APLF: variants seen among roughly 807,000 people sequenced by gnomAD.
APLF encodes aprataxin and PNKP like factor.
Under a neutral mutation model 55.6 loss-of-function variants are expected in APLF, and 61 were observed. The ratio of observed to expected loss-of-function variants is 1.10; its 90% CI spans 0.89 to 1.36. The LOEUF (loss-of-function observed/expected upper bound fraction) is 1.36. Among genes scored for constraint, APLF ranks in the 40% most tolerant of loss-of-function variants. APLF has a pLI of 0.00. For synonymous variants in APLF, 207 were observed against 214.8 expected, an observed-to-expected ratio of 0.96 and a Z score of 0.32; for missense variants, 611 against 602.5, an observed-to-expected ratio of 1.01 and a Z score of -0.15.
At position 68,502,844 on chromosome 2, in the gene APLF, C is replaced by G; in HGVS notation, c.282C>G (p.Asp94Glu). The change falls in exon 3 of 10, where the codon GAC (aspartate) becomes GAG (glutamate). Residue 94 changes from aspartate (D) to glutamate (E), a missense_variant. Asp to Glu is a conservative substitution (Grantham distance 45). Coordinates refer to ENST00000303795, the MANE Select transcript of APLF (RefSeq NM_173545.3). ...GAGACAGCTTTTCTTTGTTAGTTGA[C>G]AAATACATTTTCCGCATTCTCTCTA... ...NPGDSFSLLV[D>E]KYIFRILSIP... 6.2e-7 allele frequency: 1 copy of G among 1,606,404 alleles called. No individual in the cohort carries two copies. The highest frequency in any genetic ancestry group is 1.1e-5 in the South Asian group (1 of 89,698).
Position 68,538,093 on chromosome 2 carries a change from G to T in APLF, c.1026G>T (p.Gly342=). 6.2e-7 allele frequency: 1 copy of T among 1,614,068 alleles called. No homozygotes were observed. Among genetic ancestry groups the T allele is most frequent in the African/African-American group, 1.3e-5 (1 of 75,040 alleles). ...QGDSLQDESQ[G]SHSESSSNPS... ...ACTCACTTCAGGATGAGTCTCAAGG[G>T]TCTCATTCTGAGTCCAGCTCTAATC... Residue 342 remains glycine (G), a synonymous_variant, in exon 7 of 10, where the codon GGG becomes GGT. Transcript: ENST00000303795.
intron 9 of APLF, among the ~76,000 whole-genome samples, chr2:68,575,304 C>T (rs986044559): frequency 3.3e-5 from 5 of 152,070 alleles, no homozygotes. Flanking sequence ...TTGGACTGTT[C>T]TAGGAATAGC....
rs149190055 is a variant in APLF, at chr2:68,489,402, A to G, written c.97-788A>G. Among the ~76,000 whole-genome samples, 75 of 152,340 alleles carry G rather than the reference A, an allele frequency of 4.9e-4. No homozygotes were observed. The Middle Eastern group carries it at 0.01, about 21-fold the overall frequency. ...AGTTGGTGCTTAACATGTTTTCATTATCTATCAATCAACCACAAATAAAAA... is the reference window on the plus strand; with the variant it reads ...AGTTGGTGCTTAACATGTTTTCATTGTCTATCAATCAACCACAAATAAAAA... On this transcript the variant is annotated intron_variant, in intron 1 of 9. Transcript: ENST00000303795.
chr2:68,480,898 G>A (rs1348631958), intron 1 of APLF, among the ~76,000 whole-genome samples: 2 of 152,132 alleles, frequency 1.3e-5, no homozygotes, highest in African/African-American at 4.8e-5. Flanking sequence ...TTCTGTTGAT[G>A]TGATATATCA....
intron 1 of APLF, among the ~76,000 whole-genome samples, chr2:68,483,223 T>C (rs549898176): frequency 1.3e-5 from 2 of 152,106 alleles, no homozygotes; most frequent in African/African-American, 4.8e-5. Context: ...TGTGGAGTAA[T>C]GTAGCTTTGT....
At chr2:68,499,459 T>A (rs1217171559) in intron 2 of APLF, among the ~76,000 whole-genome samples, 1 of 152,164 alleles carries the variant, frequency 6.6e-6, no homozygotes, top group Non-Finnish European at 1.5e-5. Flanking sequence ...TGGGGTCTTG[T>A]TTTGGGAGGG....
At chr2:68,511,496 G>T (rs1677049919) in intron 3 of APLF, among the ~76,000 whole-genome samples, 1 of 151,444 alleles carries the variant, frequency 6.6e-6, no homozygotes, top group African/African-American at 2.4e-5. Flanking sequence ...ATTACATATG[G>T]ACTATAGAGT....
intron 1 of APLF, among the ~76,000 whole-genome samples, chr2:68,487,496 C>A (rs900889078): frequency 6.6e-6 from 1 of 152,052 alleles, no homozygotes; most frequent in Non-Finnish European, 1.5e-5. Flanking sequence ...ATAATAGTAT[C>A]TTCACAGATT....
At chr2:68,576,310 A>G (rs1182392337) in intron 9 of APLF, among the ~76,000 whole-genome samples, 1 of 152,124 alleles carries the variant, frequency 6.6e-6, no homozygotes, top group Non-Finnish European at 1.5e-5. Context: ...TAAAAAATGC[A>G]TTTTATTATT....
chr2:68,580,068 G>T lies in APLF; in HGVS notation c.*2046G>T. 1.1e-6 allele frequency: 1 copy of T among 933,672 alleles called. No individual in the cohort carries two copies. The highest frequency in any genetic ancestry group is 1.8e-5 in the African/African-American group (1 of 56,302). 57.8% of individuals were successfully genotyped at this position (933,672 alleles called of 1,614,324 possible). ...AGTAATGTAATAGTTCATGGTAGCT[G>T]CTTTTAACGATACAGTTTTAATGCA... is the stretch of plus-strand genomic sequence containing the variant. On this transcript the variant is annotated 3_prime_UTR_variant, in exon 10 of 10. Coordinates refer to ENST00000303795, the MANE Select transcript of APLF (RefSeq NM_173545.3).
chr2:68,487,711 C>G (rs577165557), intron 1 of APLF, among the ~76,000 whole-genome samples: 26 of 152,226 alleles, frequency 1.7e-4, no homozygotes, highest in African/African-American at 6.0e-4. Flanking sequence ...CCCCACCCCT[C>G]TCCGTATATC....
chr2:68,523,946 G>GT (rs1293165564), intron 5 of APLF, among the ~76,000 whole-genome samples: 5 of 146,528 alleles, frequency 3.4e-5, no homozygotes, highest in Admixed American at 1.3e-4. Flanking sequence ...GTGGTTGATA[G>GT]TAAGGAATTT....
At chr2:68,567,306 GAAGA>G in intron 8 of APLF, 31 bp from the exon 9 acceptor site, 1 of 1,579,698 alleles carries the variant, frequency 6.3e-7, no homozygotes. Flanking sequence ...TTAGTAATTG[GAAGA>G]CTAGCTCTTA....
At chr2:68,470,404 G>A (rs1383665263) in intron 1 of APLF, among the ~76,000 whole-genome samples, 1 of 152,132 alleles carries the variant, frequency 6.6e-6, no homozygotes, top group African/African-American at 2.4e-5. Context: ...TCTGGACTGT[G>A]TCAGTATCAA....
chr2:68,480,656 T>G (rs1675925298), intron 1 of APLF, among the ~76,000 whole-genome samples: 1 of 152,038 alleles, frequency 6.6e-6, no homozygotes, highest in Non-Finnish European at 1.5e-5. Flanking sequence ...CTATATTTAA[T>G]AAGAGTGGTA....
chr2:68,492,262 AGGTC>A (rs1223075462), intron 2 of APLF, among the ~76,000 whole-genome samples: 1 of 152,052 alleles, frequency 6.6e-6, no homozygotes, highest in Admixed American at 6.6e-5. Flanking sequence ...GTGGATCACG[AGGTC>A]AGGAGATCGA....
At chr2:68,540,911 A>G (rs889702657) in intron 7 of APLF, among the ~76,000 whole-genome samples, 4 of 152,188 alleles carry the variant, frequency 2.6e-5, no homozygotes, top group Non-Finnish European at 4.4e-5. Flanking sequence ...AGAAAGCCTT[A>G]TTATAAAGCT....
At chr2:68,515,292 A>AATATATATAT (rs67524979) in intron 5 of APLF, among the ~76,000 whole-genome samples, 1 of 148,210 alleles carries the variant, frequency 6.7e-6, no homozygotes, top group Non-Finnish European at 1.5e-5. Context: ...CTTCATGTGT[A>AATATATATAT]ATATATATAT....
At chr2:68,498,056 AT>A (rs1676612921) in intron 2 of APLF, among the ~76,000 whole-genome samples, 1 of 152,234 alleles carries the variant, frequency 6.6e-6, no homozygotes, top group Non-Finnish European at 1.5e-5. Context: ...ATTTAAAGAC[AT>A]TTAGAGAATT....
Sources: allele counts gnomAD v4.1 joint callset (sites outside exome capture counted in the v4.1 genomes callset), GRCh38; gene constraint gnomAD v4.1.1; transcripts MANE v1.5; gene names NCBI Gene and HGNC (gene_info 2026-07-23, HGNC 2026-07-21).